Variants in FRMPD4 observed in about 807,000 individuals in gnomAD.
FRMPD4 encodes FERM and PDZ domain-containing protein 4.
FRMPD4 carries 22 observed loss-of-function variants against 94.1 expected under a neutral mutation model. The observed-to-expected ratio is 0.23, with a 90% CI of 0.17 to 0.33. The LOEUF is 0.33. FRMPD4 is among the 10% of genes least tolerant of loss of function. The probability of loss-of-function intolerance (pLI) is 1.00; values close to 1 mark genes in which losing one functional copy is unlikely to be tolerated. For synonymous variants in FRMPD4, 631 were observed against 548.6 expected (o/e 1.15, Z -2.10); for missense variants, 1,111 against 1,339.9 (o/e 0.83, Z 2.67).
chrX:12,511,262 A>C (rs1388540739), intron 2 of FRMPD4, among the ~76,000 whole-genome samples: 2 of 111,704 alleles, frequency 1.8e-5, no homozygotes, highest in African/African-American at 6.5e-5. Flanking sequence ...AGGCCCAATC[A>C]AAGTGCCAAA....
intron 1 of FRMPD4, among the ~76,000 whole-genome samples, chrX:12,287,777 A>T (rs748778872): frequency 4.5e-5 from 5 of 112,172 alleles, no homozygotes; most frequent in Non-Finnish European, 9.4e-5. Context: ...CTCAAAGGTA[A>T]CATTTTACTA....
chrX:12,065,142 G>A (rs988455093), intron 3 of FRMPD4, among the ~76,000 whole-genome samples: 1 of 112,241 alleles, frequency 8.9e-6, no homozygotes, highest in Non-Finnish European at 1.9e-5. Flanking sequence ...CAAATTGAGT[G>A]GGTCTTATAA....
chrX:12,542,233 G>A (rs1280746740), intron 2 of FRMPD4, among the ~76,000 whole-genome samples: 2 of 111,832 alleles, frequency 1.8e-5, no homozygotes, highest in African/African-American at 6.5e-5. Flanking sequence ...TGGAAGTTCT[G>A]GCCAGGGCAA....
intron 1 of FRMPD4, among the ~76,000 whole-genome samples, chrX:12,153,597 T>C (rs1179490075): frequency 1.8e-5 from 2 of 112,619 alleles, no homozygotes; most frequent in Non-Finnish European, 3.7e-5. Context: ...TTATTTAGAA[T>C]ATAGTCATGT....
Position 12,614,845 on chromosome X carries a change from G to T in FRMPD4, c.386G>T (p.Ser129Ile), listed in dbSNP as rs1381053049. 1 of 1,186,355 alleles carries T rather than the reference G, an allele frequency of 8.4e-7. No individual in the cohort carries two copies. The highest frequency in any genetic ancestry group is 1.1e-6 in the Non-Finnish European group (1 of 873,121). The change falls in exon 4 of 17, where the codon AGC becomes ATC. Residue 129 changes from serine (S) to isoleucine (I), a missense_variant. Physicochemically the swap from Ser to Ile is moderately radical, Grantham distance 142 (BLOSUM62 -2). This residue lies in a region of FRMPD4 where 140 missense variants were observed against 165.9 expected (regional missense o/e 0.84). Coordinates refer to ENST00000675598, the MANE Select transcript of FRMPD4 (RefSeq NM_001368397.1). Reference protein sequence around the residue: ...QIVMINDEPVSAAPRERVIDL... With the variant: ...QIVMINDEPVIAAPRERVIDL... Reference sequence around the variant, plus strand: ...GTAATGATTAATGATGAACCGGTCAGCGCTGCACCCAGAGAGCGGGTCATC... The same window carrying T: ...GTAATGATTAATGATGAACCGGTCATCGCTGCACCCAGAGAGCGGGTCATC...
chrX:11,852,693 A>G (rs1314510270), intron 1 of FRMPD4, among the ~76,000 whole-genome samples: 1 of 111,328 alleles, frequency 9.0e-6, no homozygotes, highest in African/African-American at 3.3e-5. Context: ...CATTCAATTC[A>G]ACAAGAAGAC....
Position 12,637,439 on chromosome X carries a change from G to T in FRMPD4, c.422+22558G>T, listed in dbSNP as rs760639837. ...AATCTCAACACTTTGGGAGGCTGAG[G>T]TGGAAGGATCACTTGAAGCCAGGAG... On this transcript the variant is annotated intron_variant, in intron 4 of 16. Transcript: ENST00000675598. 3.6e-5 allele frequency among the ~76,000 whole-genome samples: 4 copies of T among 112,514 alleles called. No individual in the cohort carries two copies. The South Asian group carries it at 1.5e-3, about 41-fold the overall frequency.
At chrX:12,090,927 G>A (rs915370553) in intron 3 of FRMPD4, among the ~76,000 whole-genome samples, 8 of 112,308 alleles carry the variant, frequency 7.1e-5, no homozygotes, top group African/African-American at 2.6e-4. Context: ...GCATGAAAGA[G>A]TTTTTTCTTC....
chrX:12,492,806 T>A (rs1480877625), intron 1 of FRMPD4, among the ~76,000 whole-genome samples: 2 of 112,127 alleles, frequency 1.8e-5, no homozygotes, highest in African/African-American at 6.5e-5. Flanking sequence ...AATGAAAAGC[T>A]GCTACCTGTT....
chrX:12,136,969 G>T (rs1295311911), upstream of FRMPD4, among the ~76,000 whole-genome samples: 1 of 108,325 alleles, frequency 9.2e-6, no homozygotes, highest in Admixed American at 9.9e-5. Flanking sequence ...GTTGAGAATA[G>T]ATTATGGCAT....
intron 5 of FRMPD4, among the ~76,000 whole-genome samples, chrX:12,681,071 C>A (rs1480879689): frequency 9.0e-6 from 1 of 111,654 alleles, no homozygotes; most frequent in Non-Finnish European, 1.9e-5. Flanking sequence ...AATTGAGATG[C>A]ATAGAGGAAT....
At chrX:12,515,248 G>T (rs1230473741) in intron 2 of FRMPD4, among the ~76,000 whole-genome samples, 2 of 111,034 alleles carry the variant, frequency 1.8e-5, no homozygotes, top group African/African-American at 6.5e-5. Context: ...TGCTAGCTTT[G>T]GGGTTTGTTT....
intron 3 of FRMPD4, among the ~76,000 whole-genome samples, chrX:12,052,599 A>C (rs1458604953): frequency 1.8e-5 from 2 of 112,425 alleles, no homozygotes; most frequent in Admixed American, 9.4e-5. Flanking sequence ...TGGGCAAATC[A>C]ATCAGCCATT....
At chrX:12,681,841 C>T (rs982475368) in intron 5 of FRMPD4, among the ~76,000 whole-genome samples, 12 of 111,594 alleles carry the variant, frequency 1.1e-4, no homozygotes, top group Non-Finnish European at 2.1e-4. Flanking sequence ...TGTACAATTT[C>T]GTGGCATTAA....
At chrX:12,614,912 T>G in intron 4 of FRMPD4, 31 bp downstream of exon 4, 1 of 832,250 alleles carries the variant, frequency 1.2e-6, no homozygotes, top group Non-Finnish European at 1.8e-6. Context: ...TGTCCTGTTC[T>G]GCTTTGAAGG....
chrX:12,636,052 C>T (rs1168428662), intron 4 of FRMPD4, among the ~76,000 whole-genome samples: 1 of 111,587 alleles, frequency 9.0e-6, no homozygotes, highest in African/African-American at 3.3e-5. Flanking sequence ...AAAATAAAAA[C>T]CCACAATGCC....
intron 1 of FRMPD4, among the ~76,000 whole-genome samples, chrX:12,389,009 T>G (rs2056439689): frequency 9.3e-6 from 1 of 107,083 alleles, no homozygotes; most frequent in Non-Finnish European, 1.9e-5. Context: ...CTAAAACAAT[T>G]GAATTCATGG....
chrX:12,235,455 G>A (rs750379003), intron 1 of FRMPD4, among the ~76,000 whole-genome samples: 5 of 111,859 alleles, frequency 4.5e-5, no homozygotes, highest in East Asian at 2.8e-4. Context: ...TTATTCATTC[G>A]TATAATACAA....
intron 1 of FRMPD4, among the ~76,000 whole-genome samples, chrX:11,835,836 A>G (rs987782352): frequency 1.2e-4 from 13 of 112,154 alleles, no homozygotes; most frequent in Non-Finnish European, 1.9e-4. Flanking sequence ...TGGTATTTTT[A>G]AAAGGCCCCC....
Sources: allele counts gnomAD v4.1 joint callset (sites outside exome capture counted in the v4.1 genomes callset), GRCh38; gene constraint gnomAD v4.1.1; regional missense constraint gnomAD v4.1.1; transcripts MANE v1.5; gene names NCBI Gene and HGNC (gene_info 2026-07-23, HGNC 2026-07-21).